Variants in C6orf120 observed in about 807,000 individuals in gnomAD.
C6orf120 encodes the protein UPF0669 protein C6orf120.
For synonymous variants in C6orf120, 165 were observed against 123.1 expected, an observed-to-expected ratio of 1.34 and a Z score of -2.25; for missense variants, 311 against 264.2, an observed-to-expected ratio of 1.18 and a Z score of -1.23.
chr6:169,702,245 CCT>C lies in C6orf120; in HGVS notation c.-214_-213del. 1 of 692,770 alleles carries C rather than the reference CCT, an allele frequency of 1.4e-6. No homozygotes were observed. Among genetic ancestry groups the C allele is most frequent in the Non-Finnish European group, 2.6e-6 (1 of 379,872 alleles). The allele number at this position is 692,770 out of a possible 1,614,324, so 42.9% of individuals were successfully genotyped here. On this transcript the variant is annotated 5_prime_UTR_variant, in exon 1 of 1. An upstream open reading frame in the 5' UTR loses its in-frame stop. Transcript: ENST00000332290. ...GCCCTGCCCCTGCCCCTGCCCCTGC[CCT>C]GAGTGGGCGCCGCGCTACGGGGGAG... is the stretch of plus-strand genomic sequence containing the variant.
chr6:169,702,555 G>C lies in C6orf120; in HGVS notation c.96G>C (p.Glu32Asp), dbSNP rs755287679. 2.5e-6 allele frequency: 4 copies of C among 1,612,754 alleles called. No individual in the cohort carries two copies. In the Admixed American group the frequency reaches 6.7e-5, roughly 27 times the overall value. ...TGTCTCCGGGAAGCTGCGCGGACGA[G>C]GAGGAGGTCCCCGAGGAGTGGGTGC... is the stretch of plus-strand genomic sequence containing the variant. Residue 32 changes from glutamate (E) to aspartate (D), a missense_variant, in exon 1 of 1, where the codon GAG becomes GAC. Coordinates refer to ENST00000332290, the Ensembl canonical transcript of C6orf120.
chr6:169,704,704 CTG>C (rs1562983242), exon 1 of C6orf120: 1 of 171,042 alleles, frequency 5.8e-6, no homozygotes, highest in East Asian at 1.9e-4. Flanking sequence ...AGTCCAATTA[CTG>C]TGATTTATTC....
At chr6:169,702,228 C>A (rs916459642) in exon 1 of C6orf120, 4 of 688,632 alleles carry the variant, frequency 5.8e-6, no homozygotes, top group South Asian at 1.5e-5. Context: ...CGGCCCTGCC[C>A]CTGCCCCTGC....
At chr6:169,705,422 T>A (rs1353977587), downstream of C6orf120, 7 of 830,378 alleles carry the variant, frequency 8.4e-6, no homozygotes, top group Non-Finnish European at 1.2e-5. Flanking sequence ...AGAATGGCTA[T>A]AATGTCAAAT....
chr6:169,704,263 TAATCAATGC>T (rs1326969465), exon 1 of C6orf120: 1 of 531,446 alleles, frequency 1.9e-6, no homozygotes, highest in Non-Finnish European at 3.3e-6. Context: ...TTAATCAATG[TAATCAATGC>T]CATGCAAAAT....
chr6:169,702,543 C>G, exon 1 of C6orf120: 1 of 1,612,266 alleles, frequency 6.2e-7, no homozygotes, highest in Non-Finnish European at 8.5e-7. Flanking sequence ...CTCCGGGAAG[C>G]TGCGCGGACG....
At chr6:169,702,142 AG>A (rs1323887214), upstream of C6orf120, 5 of 596,528 alleles carry the variant, frequency 8.4e-6, no homozygotes, top group Non-Finnish European at 1.6e-5. Context: ...GCCTCCGGCG[AG>A]GCTCCGGCCT....
In C6orf120 at chr6:169,702,975, A is replaced by G. The variant is rs759602517; in HGVS notation, c.516A>G (p.Glu172=). 23 of 1,601,606 alleles carry G rather than the reference A, an allele frequency of 1.4e-5. No homozygotes were observed. In the Middle Eastern group the frequency reaches 5.0e-4, roughly 35 times the overall value. ...CGGAAGACGCCTCGCAAGAGGAGGAATCTGTTCTCTGGACGATATTAATTA... is the reference window on the plus strand; with the variant it reads ...CGGAAGACGCCTCGCAAGAGGAGGAGTCTGTTCTCTGGACGATATTAATTA... Residue 172 remains glutamate, a synonymous_variant, in exon 1 of 1, where the codon GAA becomes GAG. Coordinates refer to ENST00000332290, the Ensembl canonical transcript of C6orf120.
exon 1 of C6orf120, chr6:169,702,624 C>T: frequency 6.2e-7 from 1 of 1,613,372 alleles, no homozygotes; most frequent in Non-Finnish European, 8.5e-7. Context: ...GGAACTACAG[C>T]TACCTGCGGC....
exon 1 of C6orf120, chr6:169,704,410 T>G: frequency 3.5e-6 from 1 of 283,166 alleles, no homozygotes. Context: ...ATTCCGGAAT[T>G]TGGCTTTTTT....
downstream of C6orf120, chr6:169,705,539 G>A: frequency 1.1e-6 from 1 of 884,676 alleles, no homozygotes; most frequent in East Asian, 2.4e-5. Context: ...GTTGAAATCT[G>A]CCTGAAACTA....
chr6:169,703,157 A>G, exon 1 of C6orf120: 2 of 1,069,294 alleles, frequency 1.9e-6, no homozygotes, highest in South Asian at 3.3e-5. Flanking sequence ...GGATGGAAAA[A>G]TAAAGCCATA....
chr6:169,702,137 C>T (rs1585282063), upstream of C6orf120: 1 of 588,978 alleles, frequency 1.7e-6, no homozygotes, highest in Non-Finnish European at 3.2e-6. Context: ...CTTCCGCCTC[C>T]GGCGAGGCTC....
chr6:169,704,028 C>G (rs1788672020), exon 1 of C6orf120: 1 of 1,600,152 alleles, frequency 6.2e-7, no homozygotes, highest in Admixed American at 1.8e-5. Context: ...GTTTTTCCCC[C>G]TTCTGCCCAC....
At chr6:169,705,698 A>T, downstream of C6orf120, 1 of 1,584,492 alleles carries the variant, frequency 6.3e-7, no homozygotes, top group Non-Finnish European at 8.7e-7. Flanking sequence ...GACAAATTCC[A>T]CATATAGCAT....
exon 1 of C6orf120, chr6:169,703,124 A>G (rs1788521101): frequency 7.5e-7 from 1 of 1,337,344 alleles, no homozygotes; most frequent in South Asian, 1.4e-5. Context: ...ACTTGGTTGA[A>G]GTTCTAGGTA....
At chr6:169,703,321 A>T in exon 1 of C6orf120, 1 of 448,106 alleles carries the variant, frequency 2.2e-6, no homozygotes, top group Non-Finnish European at 4.2e-6. Context: ...TAACAGGTTT[A>T]TATAAAATAG....
downstream of C6orf120, chr6:169,705,392 GT>G: frequency 9.3e-7 from 1 of 1,073,130 alleles, no homozygotes; most frequent in Non-Finnish European, 1.4e-6. Context: ...TAAAATACTA[GT>G]TTGCTTTAGG....
Position 169,704,178 on chromosome 6 carries a change from C to G in C6orf120, c.*1143C>G, listed in dbSNP as rs117299617. 4.1e-3 allele frequency: 3,636 copies of G among 880,458 alleles called. 118 individuals carry two copies. In the South Asian group the frequency reaches 0.049, roughly 12 times the overall value. 54.5% of individuals were successfully genotyped at this position (880,458 alleles called of 1,614,324 possible). ...CTAAACTCTTCTGCCTTAGCTATCA[C>G]TAATGATATTCCTCTCTGGATTTTG... On this transcript the variant is annotated 3_prime_UTR_variant, in exon 1 of 1. Coordinates refer to ENST00000332290, the Ensembl canonical transcript of C6orf120.
Sources: allele counts gnomAD v4.1 joint callset, GRCh38; gene constraint gnomAD v4.1.1; transcripts MANE v1.5; gene names NCBI Gene and HGNC (gene_info 2026-07-23, HGNC 2026-07-21).